Variants in MCPH1 observed in about 807,000 individuals in gnomAD.
MCPH1 encodes microcephalin 1, also known as microcephalin.
A neutral mutation model predicts 84.5 loss-of-function variants in MCPH1; 104 were observed. That is an observed-to-expected ratio of 1.23 (90% CI 1.05 to 1.45). The LOEUF is 1.45. Among genes scored for constraint, MCPH1 ranks in the 40% most tolerant of loss-of-function variants. The pLI is 0.00. For missense variants in MCPH1, 1,498 were observed against 1,005.7 expected, an observed-to-expected ratio of 1.49 and a Z score of -6.62; for synonymous variants, 514 against 366.8, an observed-to-expected ratio of 1.40 and a Z score of -4.58.
chr8:6,495,908 T>A (rs1253831306), intron 11 of MCPH1, among the ~76,000 whole-genome samples: 1 of 152,212 alleles, frequency 6.6e-6, no homozygotes, highest in Non-Finnish European at 1.5e-5. Flanking sequence ...GATTTGATTT[T>A]TAATTAATCA....
intron 13 of MCPH1, among the ~76,000 whole-genome samples, chr8:6,635,693 T>A (rs1056916095): frequency 2.6e-5 from 4 of 152,224 alleles, no homozygotes; most frequent in Non-Finnish European, 5.9e-5. Context: ...CCATTGTTAG[T>A]GGTGCAGATA....
At chr8:6,493,700 TG>T (rs1810918126) in intron 11 of MCPH1, among the ~76,000 whole-genome samples, 1 of 152,172 alleles carries the variant, frequency 6.6e-6, no homozygotes, top group Non-Finnish European at 1.5e-5. Context: ...GCTAGTCCTG[TG>T]ACCCAGCATT....
intron 12 of MCPH1, among the ~76,000 whole-genome samples, chr8:6,561,325 T>G (rs1440817150): frequency 6.6e-6 from 1 of 152,222 alleles, no homozygotes; most frequent in African/African-American, 2.4e-5. Flanking sequence ...TTTTGTTGTT[T>G]TAAATGACTC....
chr8:6,534,707 T>C (rs905978234), intron 12 of MCPH1, among the ~76,000 whole-genome samples: 2 of 152,224 alleles, frequency 1.3e-5, no homozygotes, highest in Admixed American at 6.5e-5. Flanking sequence ...ATCTCTATTA[T>C]AGGCTTCATA....
At chr8:6,522,081 C>T (rs761090858) in intron 12 of MCPH1, among the ~76,000 whole-genome samples, 4 of 152,190 alleles carry the variant, frequency 2.6e-5, no homozygotes, top group East Asian at 1.9e-4. Flanking sequence ...GCTGGCCGGG[C>T]GCAGTGGCTC....
intron 12 of MCPH1, among the ~76,000 whole-genome samples, chr8:6,504,667 A>G (rs552352451): frequency 5.9e-5 from 9 of 152,322 alleles, no homozygotes; most frequent in African/African-American, 2.2e-4. Flanking sequence ...TAATAAGGAG[A>G]GAAAAAAATC....
At chr8:6,631,124 G>A (rs1230124821) in intron 13 of MCPH1, among the ~76,000 whole-genome samples, 1 of 152,192 alleles carries the variant, frequency 6.6e-6, no homozygotes, top group Non-Finnish European at 1.5e-5. Context: ...GTGGCACATG[G>A]TGGCAACCCA....
At chr8:6,621,064 G>A in intron 12 of MCPH1, 1 of 319,664 alleles carries the variant, frequency 3.1e-6, no homozygotes, top group South Asian at 2.9e-5. Context: ...AGCACAGCCG[G>A]CATTTGCAGT....
chr8:6,552,530 G>C (rs1425305223), intron 12 of MCPH1, among the ~76,000 whole-genome samples: 1 of 152,168 alleles, frequency 6.6e-6, no homozygotes, highest in African/African-American at 2.4e-5. Context: ...AGGGTGACTG[G>C]AATTATAACC....
At position 6,509,234 on chromosome 8, in the gene MCPH1, T is replaced by G. The variant is rs977243709; in HGVS notation, c.2214+9305T>G. Among the ~76,000 whole-genome samples the G allele has an allele frequency of 3.3e-5, 5 of 152,184 alleles. No individual in the cohort carries two copies. The South Asian group carries it at 1.0e-3, about 32-fold the overall frequency. On this transcript the variant is annotated intron_variant, in intron 12 of 13. Transcript: ENST00000344683. ...GCACTGGTATAAACAGGAACCAACT[T>G]ATCATCAAATCCTTCAGCAAAGAGG... is the stretch of plus-strand genomic sequence containing the variant.
chr8:6,582,711 C>T (rs576801579), intron 12 of MCPH1, among the ~76,000 whole-genome samples: 1 of 152,270 alleles, frequency 6.6e-6, no homozygotes, highest in Admixed American at 6.5e-5. Context: ...TGGAATCCTT[C>T]GTCATTCAAG....
At chr8:6,509,391 C>G (rs1374653464) in intron 12 of MCPH1, among the ~76,000 whole-genome samples, 1 of 152,236 alleles carries the variant, frequency 6.6e-6, no homozygotes, top group African/African-American at 2.4e-5. Flanking sequence ...GGCTCCTCCT[C>G]CCAGGTCTCC....
In MCPH1 at chr8:6,645,629, CCTA is replaced by C. The variant is rs976207558; in HGVS notation, c.*2582_*2584del. On this transcript the variant is annotated 3_prime_UTR_variant, in exon 14 of 14. Coordinates refer to ENST00000344683, the MANE Select transcript of MCPH1 (RefSeq NM_024596.5). ...TGCAAAAAAAAAAAAAAAAAAAAGC[CCTA>C]CAAGAACTTATAACAAGTTTAGCAA... The C allele has an allele frequency of 7.3e-6, 1 of 137,044 alleles. No individual in the cohort carries two copies. Among genetic ancestry groups the C allele is most frequent in the Non-Finnish European group, 1.5e-5 (1 of 66,086 alleles). 8.5% of individuals were successfully genotyped at this position (137,044 alleles called of 1,614,324 possible).
At chr8:6,454,999 T>C (rs1805518748) in intron 8 of MCPH1, 144 bp from the exon 9 acceptor site, 1 of 672,946 alleles carries the variant, frequency 1.5e-6, no homozygotes, top group African/African-American at 1.8e-5. Flanking sequence ...TCTAGATAGA[T>C]CTCAAAGAGC....
chr8:6,452,378 A>G (rs560088184), intron 8 of MCPH1, among the ~76,000 whole-genome samples: 13 of 152,376 alleles, frequency 8.5e-5, no homozygotes, highest in African/African-American at 2.4e-4. Flanking sequence ...GAAATTTCAG[A>G]TAACTGAAAG....
intron 13 of MCPH1, chr8:6,624,781 A>T (rs1831882413): frequency 1.0e-6 from 1 of 984,342 alleles, no homozygotes; most frequent in Non-Finnish European, 1.2e-6. Context: ...TACACACGTA[A>T]ACCTACAGAA....
chr8:6,419,604 G>T (rs541247804), intron 3 of MCPH1, among the ~76,000 whole-genome samples: 3 of 148,720 alleles, frequency 2.0e-5, no homozygotes, highest in Non-Finnish European at 3.0e-5. Flanking sequence ...GGATTTTACC[G>T]TGTTAGCCAG....
In MCPH1 at chr8:6,415,031, G is replaced by A. The variant is rs1799070573; in HGVS notation, c.233+148G>A. On this transcript the variant is annotated intron_variant, in intron 3 of 13. Transcript: ENST00000344683. ...TCACCTAGTAATTTGAAATCCTCCAGCCTCAATTTCTGTGGTTCAAAAATG... is the reference window on the plus strand; with the variant it reads ...TCACCTAGTAATTTGAAATCCTCCAACCTCAATTTCTGTGGTTCAAAAATG... 3 of 783,524 alleles carry A rather than the reference G, an allele frequency of 3.8e-6. 1 individual carries two copies. The South Asian group carries it at 5.1e-5, about 13-fold the overall frequency. 48.5% of individuals were successfully genotyped at this position (783,524 alleles called of 1,614,324 possible).
intron 12 of MCPH1, among the ~76,000 whole-genome samples, chr8:6,504,321 A>G: frequency 6.6e-6 from 1 of 150,696 alleles, no homozygotes; most frequent in African/African-American, 2.4e-5. Flanking sequence ...CCAGCTCAAA[A>G]AAAAAAAAAA....
Sources: gnomAD v4.1 joint callset for allele counts (sites outside exome capture counted in the v4.1 genomes callset) on GRCh38, gnomAD v4.1.1 for gene constraint, MANE v1.5 for transcripts, NCBI Gene and HGNC (gene_info 2026-07-23, HGNC 2026-07-21) for gene names.